CREBL2: variants seen among roughly 807,000 people sequenced by gnomAD.
The protein encoded by CREBL2 is cAMP responsive element binding protein like 2.
A neutral mutation model predicts 19.5 loss-of-function variants in CREBL2; 4 were observed. That is an observed-to-expected ratio of 0.20 (90% confidence interval 0.10 to 0.47). The LOEUF (loss-of-function observed/expected upper bound fraction) is 0.47, where lower values mean the gene tolerates loss of function less well. Ranked by LOEUF, CREBL2 falls within the 20% of genes least tolerant of loss-of-function variation. The pLI, the probability that CREBL2 is intolerant of heterozygous loss-of-function variation, is 0.98. For missense variants in CREBL2, 85 were observed against 145.1 expected, an observed-to-expected ratio of 0.59 and a Z score of 2.13; for synonymous variants, 42 against 46.6, an observed-to-expected ratio of 0.90 and a Z score of 0.40.
At chr12:12,632,715 G>A (rs1447818780) in intron 1 of CREBL2, 1 of 151,868 alleles carries the variant, frequency 6.6e-6, no homozygotes, top group East Asian at 1.9e-4. Flanking sequence ...TTCAAAAAGT[G>A]TATTCAATAG....
intron 1 of CREBL2, among the ~76,000 whole-genome samples, chr12:12,630,546 C>G (rs1945435826): frequency 6.6e-6 from 1 of 152,026 alleles, no homozygotes; most frequent in Admixed American, 6.6e-5. Context: ...GAGGAACAAT[C>G]TTTTGGTTTC....
At chr12:12,627,524 AG>A (rs1428575171) in intron 1 of CREBL2, among the ~76,000 whole-genome samples, 3 of 152,198 alleles carry the variant, frequency 2.0e-5, no homozygotes, top group Non-Finnish European at 4.4e-5. Flanking sequence ...AATGCTTTCA[AG>A]GCTATCAGTG....
chr12:12,634,949 G>C (rs1413150892), intron 1 of CREBL2, among the ~76,000 whole-genome samples: 1 of 151,738 alleles, frequency 6.6e-6, no homozygotes, highest in Admixed American at 6.6e-5. Context: ...TGTAGACCCA[G>C]CTACTAGGGA....
intron 1 of CREBL2, among the ~76,000 whole-genome samples, chr12:12,626,879 AAAAG>A (rs1414551139): frequency 1.3e-5 from 2 of 149,896 alleles, no homozygotes; most frequent in Admixed American, 6.7e-5. Flanking sequence ...CTTAAAAAAA[AAAAG>A]AAAAGAAAAG....
At chr12:12,627,721 T>C (rs189728288) in intron 1 of CREBL2, among the ~76,000 whole-genome samples, 1 of 152,362 alleles carries the variant, frequency 6.6e-6, no homozygotes, top group Non-Finnish European at 1.5e-5. Flanking sequence ...TATGTTTTCC[T>C]TTCTTTTTGG....
chr12:12,638,633 T>C (rs1161747954), intron 3 of CREBL2, among the ~76,000 whole-genome samples: 1 of 152,064 alleles, frequency 6.6e-6, no homozygotes, highest in East Asian at 1.9e-4. Context: ...GTTTACAGAG[T>C]ACTTTCATTT....
At chr12:12,623,834 G>A in intron 1 of CREBL2, among the ~76,000 whole-genome samples, 1 of 152,208 alleles carries the variant, frequency 6.6e-6, no homozygotes, top group East Asian at 1.9e-4. Flanking sequence ...TATGTGGATG[G>A]GCCGTAAATC....
intron 3 of CREBL2, 53 bp downstream of exon 3, chr12:12,637,767 G>A (rs1047941787): frequency 4.6e-5 from 70 of 1,532,926 alleles, no homozygotes; most frequent in Admixed American, 3.9e-4. Context: ...TCGGTTGGGC[G>A]CAGTGGCTCA....
intron 1 of CREBL2, among the ~76,000 whole-genome samples, chr12:12,616,552 A>C (rs1945312729): frequency 6.6e-6 from 1 of 152,212 alleles, no homozygotes. Flanking sequence ...TGCACTTTGA[A>C]TGCATGTTGT....
chr12:12,626,935 A>G (rs1415304388), intron 1 of CREBL2, among the ~76,000 whole-genome samples: 1 of 152,070 alleles, frequency 6.6e-6, no homozygotes, highest in East Asian at 1.9e-4. Flanking sequence ...AGCCACGAAA[A>G]GTCATGGAGG....
At chr12:12,641,430 C>T (rs2136308485) in intron 3 of CREBL2, among the ~76,000 whole-genome samples, 1 of 151,402 alleles carries the variant, frequency 6.6e-6, no homozygotes, top group African/African-American at 2.4e-5. Context: ...GCCTCAGCCT[C>T]CCAAGTAGCT....
rs142404101 is a variant in CREBL2, at chr12:12,641,253, A to ATTTTTTTTTTTTTTTTT, written c.359-732_359-731insTTTTTTTTTTTTTTTTT. On this transcript the variant is annotated intron_variant, in intron 3 of 3. Transcript: ENST00000228865. Reference sequence around the variant, plus strand: ...TATTATTATTATTATTATTATTATTATTTTTTTTTATTTTTTTTTTTTTTA... The same window carrying ATTTTTTTTTTTTTTTTT: ...TATTATTATTATTATTATTATTATTATTTTTTTTTTTTTTTTTTTTTTTTTTATTTTTTTTTTTTTTA... Among the ~76,000 whole-genome samples the ATTTTTTTTTTTTTTTTT allele has an allele frequency of 4.5e-4, 35 of 78,226 alleles. 1 individual carries two copies. Among genetic ancestry groups the ATTTTTTTTTTTTTTTTT allele is most frequent in the South Asian group, 9.3e-4 (2 of 2,160 alleles). 51.3% of individuals were successfully genotyped at this position (78,226 alleles called of 152,430 possible). A position where few individuals can be genotyped will look rare whatever the true frequency, so the allele number is the denominator to read the frequency against.
At chr12:12,633,215 G>A (rs993713935) in intron 1 of CREBL2, among the ~76,000 whole-genome samples, 1 of 152,056 alleles carries the variant, frequency 6.6e-6, no homozygotes, top group Non-Finnish European at 1.5e-5. Context: ...GGGATTACAG[G>A]TGTGAGCCAC....
At position 12,641,983 on chromosome 12, in the gene CREBL2, T is replaced by G; in HGVS notation, c.359-11T>G. ...AAAAACATTCTTACATTGGTAACTTTTATTTTTCAGGGTGAAGATTATATA... is the reference window on the plus strand; with the variant it reads ...AAAAACATTCTTACATTGGTAACTTGTATTTTTCAGGGTGAAGATTATATA... On this transcript the variant is annotated splice_polypyrimidine_tract_variant and intron_variant, in intron 3 of 3. Coordinates refer to ENST00000228865, the MANE Select transcript of CREBL2 (RefSeq NM_001310.4). 1 of 1,548,558 alleles carries G rather than the reference T, an allele frequency of 6.5e-7. No homozygotes were observed. The highest frequency in any genetic ancestry group is 1.4e-5 in the African/African-American group (1 of 73,266).
chr12:12,632,409 A>C (rs971959629), intron 1 of CREBL2: 5 of 152,234 alleles, frequency 3.3e-5, no homozygotes, highest in African/African-American at 1.2e-4. Flanking sequence ...GGAATAACAC[A>C]GTTCCAATTA....
At chr12:12,631,935 C>G (rs1720396645) in intron 1 of CREBL2, among the ~76,000 whole-genome samples, 1 of 151,872 alleles carries the variant, frequency 6.6e-6, no homozygotes, top group African/African-American at 2.4e-5. Flanking sequence ...TTAGCTGTTA[C>G]AAAAAGCCAA....
At chr12:12,612,881 T>G (rs1426415964) in intron 1 of CREBL2, among the ~76,000 whole-genome samples, 1 of 152,234 alleles carries the variant, frequency 6.6e-6, no homozygotes, top group Non-Finnish European at 1.5e-5. Flanking sequence ...TGTCTTTATT[T>G]ATTAATTGAG....
At chr12:12,641,257 T>TATTATTA (rs200848465) in intron 3 of CREBL2, among the ~76,000 whole-genome samples, 13 of 106,390 alleles carry the variant, frequency 1.2e-4, no homozygotes, top group East Asian at 5.1e-4. Flanking sequence ...ATTATTATTT[T>TATTATTA]TTTTTATTTT....
chr12:12,629,428 G>A (rs989012827), intron 1 of CREBL2, among the ~76,000 whole-genome samples: 2 of 152,196 alleles, frequency 1.3e-5, no homozygotes, highest in Admixed American at 6.5e-5. Flanking sequence ...TTCATTGATA[G>A]TGTGTAGAAA....
Sources: gnomAD v4.1 joint callset for allele counts (sites outside exome capture counted in the v4.1 genomes callset) on GRCh38, gnomAD v4.1.1 for gene constraint, MANE v1.5 for transcripts, NCBI Gene and HGNC (gene_info 2026-07-23, HGNC 2026-07-21) for gene names.